The following DIS3L2 variants were observed in gnomAD, a reference collection of about 807,000 sequenced individuals.
DIS3L2 encodes DIS3 like 3'-5' exoribonuclease 2.
In DIS3L2, 34 loss-of-function variants were observed where a neutral mutation model predicts 97.5. The ratio of observed to expected loss-of-function variants is 0.35; its 90% CI spans 0.27 to 0.46. The LOEUF is 0.46. Among genes scored for constraint, DIS3L2 ranks in the 20% least tolerant of loss-of-function variants. The pLI, the probability that DIS3L2 is intolerant of heterozygous loss-of-function variation, is 1.00. For synonymous variants in DIS3L2, 435 were observed against 445.2 expected (o/e 0.98, Z 0.29); for missense variants, 1,038 against 1,146.0 (o/e 0.91, Z 1.36).
intron 6 of DIS3L2, among the ~76,000 whole-genome samples, chr2:232,122,403 A>T (rs1454090093): frequency 1.3e-5 from 2 of 152,158 alleles, no homozygotes; most frequent in Admixed American, 6.6e-5. Context: ...TGTCCAAAAT[A>T]ACAGGGTTGG....
At chr2:231,993,197 C>T (rs1693632130) in intron 1 of DIS3L2, among the ~76,000 whole-genome samples, 1 of 152,106 alleles carries the variant, frequency 6.6e-6, no homozygotes, top group Admixed American at 6.5e-5. Flanking sequence ...CATGTAACTC[C>T]CGTCCATCCA....
chr2:232,202,817 T>C (rs974607613), intron 9 of DIS3L2, among the ~76,000 whole-genome samples: 1 of 152,250 alleles, frequency 6.6e-6, no homozygotes, highest in Admixed American at 6.5e-5. Context: ...TTGTGTCTGC[T>C]TCTTAGCATC....
At chr2:232,332,730 A>C (rs767263429) in intron 16 of DIS3L2, among the ~76,000 whole-genome samples, 3 of 152,112 alleles carry the variant, frequency 2.0e-5, no homozygotes, top group Non-Finnish European at 2.9e-5. Flanking sequence ...CAGAGACGAG[A>C]AGGGCCGAGG....
At chr2:232,329,785 T>TCCCGGGGGGGCCCCCCCCC in intron 14 of DIS3L2, 28 bp from the exon 15 acceptor site, 5 of 967,142 alleles carry the variant, frequency 5.2e-6, no homozygotes, top group East Asian at 3.1e-5. Flanking sequence ...ACCCCAGCGG[T>TCCCGGGGGGGCCCCCCCCC]CCCTCCCATC....
intron 8 of DIS3L2, among the ~76,000 whole-genome samples, chr2:232,156,998 C>G (rs936700276): frequency 2.6e-5 from 4 of 152,112 alleles, no homozygotes; most frequent in African/African-American, 9.7e-5. Context: ...TTCTGTGCCT[C>G]AAAATAATAT....
chr2:231,991,612 C>G (rs1693587138), intron 1 of DIS3L2, among the ~76,000 whole-genome samples: 1 of 152,110 alleles, frequency 6.6e-6, no homozygotes, highest in Non-Finnish European at 1.5e-5. Flanking sequence ...ATTACAGAGG[C>G]TATTCATTAT....
At chr2:232,321,086 C>T (rs1322517323) in intron 14 of DIS3L2, among the ~76,000 whole-genome samples, 1 of 152,144 alleles carries the variant, frequency 6.6e-6, no homozygotes, top group African/African-American at 2.4e-5. Context: ...GTGCCTGTCA[C>T]CCATGAGGAG....
At chr2:232,215,901 TCTAGCAGC>T in intron 10 of DIS3L2, among the ~76,000 whole-genome samples, 1 of 152,294 alleles carries the variant, frequency 6.6e-6, no homozygotes, top group South Asian at 2.1e-4. Context: ...CGTGCATGTC[TCTAGCAGC>T]CAGGCCAGAC....
At chr2:232,291,489 T>C (rs982934831) in intron 13 of DIS3L2, among the ~76,000 whole-genome samples, 3 of 152,262 alleles carry the variant, frequency 2.0e-5, no homozygotes, top group Non-Finnish European at 2.9e-5. Flanking sequence ...CAGTGGACTA[T>C]GAGGGGAAGA....
At chr2:232,181,390 G>C (rs1249259) in intron 9 of DIS3L2, among the ~76,000 whole-genome samples, 1 of 151,272 alleles carries the variant, frequency 6.6e-6, no homozygotes, top group Non-Finnish European at 1.5e-5. Flanking sequence ...TCTCCTGGAT[G>C]ATATCCTGCA....
chr2:232,313,620 GC>G (rs1695195655), intron 14 of DIS3L2, among the ~76,000 whole-genome samples: 1 of 152,062 alleles, frequency 6.6e-6, no homozygotes, highest in Admixed American at 6.5e-5. Context: ...AACTATTATT[GC>G]CTCACAGGTA....
intron 8 of DIS3L2, among the ~76,000 whole-genome samples, chr2:232,160,253 A>G (rs949509628): frequency 2.6e-5 from 4 of 152,214 alleles, no homozygotes; most frequent in Non-Finnish European, 5.9e-5. Flanking sequence ...GGAGTTTTCT[A>G]TGTGGGAAGG....
In DIS3L2 at chr2:232,276,579, T is replaced by G. The variant is rs964884744; in HGVS notation, c.1659+13139T>G. 4.6e-5 allele frequency among the ~76,000 whole-genome samples: 7 copies of G among 152,220 alleles called. No individual in the cohort carries two copies. The highest frequency in any genetic ancestry group is 1.7e-4 in the African/African-American group (7 of 41,462). Reference sequence around the variant, plus strand: ...GACTTGTTCCTTTTTGGTACATGTTTCCACTCCAGACTGCCCCAGGCCCCA... The same window carrying G: ...GACTTGTTCCTTTTTGGTACATGTTGCCACTCCAGACTGCCCCAGGCCCCA... On this transcript the variant is annotated intron_variant, in intron 13 of 20. Coordinates refer to ENST00000325385, the MANE Select transcript of DIS3L2 (RefSeq NM_152383.5). The surrounding 1 kb of genome is among the most constrained non-coding windows in gnomAD (Gnocchi z 4.4).
At chr2:232,256,041 C>A (rs1250719578) in intron 12 of DIS3L2, among the ~76,000 whole-genome samples, 1 of 152,212 alleles carries the variant, frequency 6.6e-6, no homozygotes, top group Non-Finnish European at 1.5e-5. Flanking sequence ...CTGCTCTTGC[C>A]CCACGTCATC....
intron 13 of DIS3L2, among the ~76,000 whole-genome samples, chr2:232,297,779 T>C (rs930535965): frequency 8.0e-5 from 12 of 150,070 alleles, no homozygotes; most frequent in Non-Finnish European, 1.5e-4. Flanking sequence ...CTGGGCTCAC[T>C]GCAACCTCCA....
chr2:231,979,333 C>T (rs1443931442), intron 1 of DIS3L2, among the ~76,000 whole-genome samples: 3 of 152,102 alleles, frequency 2.0e-5, no homozygotes, highest in Non-Finnish European at 4.4e-5. Flanking sequence ...CAGCTCACTG[C>T]AGCCTTGACC....
intron 6 of DIS3L2, among the ~76,000 whole-genome samples, chr2:232,122,098 T>C (rs756810957): frequency 6.6e-6 from 1 of 152,242 alleles, no homozygotes; most frequent in Non-Finnish European, 1.5e-5. Flanking sequence ...GCCTTTGTGA[T>C]AATCCAAACT....
chr2:231,962,790 G>C (rs1391088689), intron 1 of DIS3L2, among the ~76,000 whole-genome samples: 2 of 152,166 alleles, frequency 1.3e-5, no homozygotes, highest in Non-Finnish European at 2.9e-5. Flanking sequence ...CCACTTGTAA[G>C]TGTGCTCAAT....
intron 10 of DIS3L2, among the ~76,000 whole-genome samples, chr2:232,231,413 C>T (rs1692789671): frequency 6.6e-6 from 1 of 152,236 alleles, no homozygotes; most frequent in African/African-American, 2.4e-5. Context: ...GCACCTAGCC[C>T]TGCTTCACTC....
Sources: allele counts gnomAD v4.1 joint callset (sites outside exome capture counted in the v4.1 genomes callset), GRCh38; gene constraint gnomAD v4.1.1; non-coding constraint Gnocchi (gnomAD v3.1); transcripts MANE v1.5; gene names NCBI Gene and HGNC (gene_info 2026-07-23, HGNC 2026-07-21).